CDH18: variants seen among roughly 807,000 people sequenced by gnomAD.
The protein encoded by CDH18 is cadherin 18, also known as cadherin-18.
A neutral mutation model predicts 67.9 loss-of-function variants in CDH18; 31 were observed. That is an observed-to-expected ratio of 0.46 (90% CI 0.34 to 0.62). CDH18 has a LOEUF of 0.62. Ranked by LOEUF, CDH18 falls within the 20% of genes least tolerant of loss-of-function variation. CDH18 has a pLI of 0.01. For missense variants in CDH18, 890 were observed against 975.5 expected (o/e 0.91, Z 1.17); for synonymous variants, 362 against 347.2 (o/e 1.04, Z -0.48).
At chr5:19,953,800 T>C (rs1404480400) in intron 2 of CDH18, among the ~76,000 whole-genome samples, 1 of 152,090 alleles carries the variant, frequency 6.6e-6, no homozygotes, top group Non-Finnish European at 1.5e-5. Context: ...CACTAAATAA[T>C]AGTCAAACTA....
chr5:20,063,494 C>G (rs1467424540), intron 2 of CDH18, among the ~76,000 whole-genome samples: 3 of 151,972 alleles, frequency 2.0e-5, no homozygotes, highest in Admixed American at 2.0e-4. Context: ...CAACATTGCA[C>G]CCTGGTCCAC....
At chr5:20,071,230 G>A (rs1210013258) in intron 2 of CDH18, among the ~76,000 whole-genome samples, 3 of 151,844 alleles carry the variant, frequency 2.0e-5, no homozygotes, top group Admixed American at 2.0e-4. Flanking sequence ...TTTTTTCTCG[G>A]TTGCCACTGA....
chr5:19,698,606 G>A (rs1487905380), intron 5 of CDH18, among the ~76,000 whole-genome samples: 1 of 151,732 alleles, frequency 6.6e-6, no homozygotes, highest in Non-Finnish European at 1.5e-5. Context: ...TTGTAAAATA[G>A]GAATCAATGT....
intron 1 of CDH18, among the ~76,000 whole-genome samples, chr5:20,345,817 C>G (rs1258925145): frequency 6.6e-6 from 1 of 152,050 alleles, no homozygotes; most frequent in Non-Finnish European, 1.5e-5. Context: ...TGTAGTCCTT[C>G]CATTTCAGCC....
chr5:19,902,995 C>T (rs1790111014), intron 2 of CDH18, among the ~76,000 whole-genome samples: 1 of 151,854 alleles, frequency 6.6e-6, no homozygotes, highest in Non-Finnish European at 1.5e-5. Flanking sequence ...TATTTTAAAA[C>T]TTTGTTAAAA....
At chr5:19,661,063 A>G (rs1473419445) in intron 5 of CDH18, among the ~76,000 whole-genome samples, 2 of 152,198 alleles carry the variant, frequency 1.3e-5, no homozygotes, top group East Asian at 3.9e-4. Flanking sequence ...GAAAAAAACA[A>G]AAGACAAAGA....
At chr5:20,067,016 A>C (rs1302710574) in intron 2 of CDH18, among the ~76,000 whole-genome samples, 1 of 151,920 alleles carries the variant, frequency 6.6e-6, no homozygotes, top group Non-Finnish European at 1.5e-5. Context: ...ATTGGAAAAA[A>C]AAACAACAGT....
chr5:20,453,514 T>A (rs1194632016), intron 1 of CDH18, among the ~76,000 whole-genome samples: 1 of 151,942 alleles, frequency 6.6e-6, no homozygotes, highest in Non-Finnish European at 1.5e-5. Context: ...TAATATCCTA[T>A]CAATCAATCA....
In CDH18 at chr5:20,071,752, T is replaced by C. The variant is rs573807981; in HGVS notation, c.-517-79738A>G. ...AAATTCAAGCATTGTAAACTGATTTTGTAAATTGCATACTTGTGCCATAAA... is the reference window on the plus strand; with the variant it reads ...AAATTCAAGCATTGTAAACTGATTTCGTAAATTGCATACTTGTGCCATAAA... On this transcript the variant is annotated intron_variant, in intron 2 of 14. Coordinates refer to the CDH18 transcript ENST00000507958. 3.9e-5 allele frequency among the ~76,000 whole-genome samples: 6 copies of C among 152,216 alleles called. No homozygotes were observed. The South Asian group carries it at 1.2e-3, about 32-fold the overall frequency.
intron 2 of CDH18, among the ~76,000 whole-genome samples, chr5:19,840,075 A>G (rs1185262610): frequency 6.6e-6 from 1 of 150,882 alleles, no homozygotes; most frequent in Non-Finnish European, 1.5e-5. Flanking sequence ...TGGCTAGTAC[A>G]GTGAAACCCG....
chr5:20,078,390 G>T (rs1744137532), intron 2 of CDH18, among the ~76,000 whole-genome samples: 1 of 151,878 alleles, frequency 6.6e-6, no homozygotes, highest in African/African-American at 2.4e-5. Context: ...TTGAACCAGG[G>T]TGGTAAAGGT....
At chr5:20,138,326 GA>G (rs1454279992) in intron 2 of CDH18, among the ~76,000 whole-genome samples, 1 of 152,054 alleles carries the variant, frequency 6.6e-6, no homozygotes, top group African/African-American at 2.4e-5. Context: ...AAAATAATAA[GA>G]GCTGTTTATG....
intron 2 of CDH18, among the ~76,000 whole-genome samples, chr5:19,841,026 G>A (rs534130172): frequency 1.3e-5 from 2 of 152,196 alleles, no homozygotes; most frequent in African/African-American, 2.4e-5. Flanking sequence ...ACACAGTTGA[G>A]GAAAGATGCT....
At position 20,043,435 on chromosome 5, in the gene CDH18, C is replaced by T. The variant is rs1367875171; in HGVS notation, c.-517-51421G>A. Among the ~76,000 whole-genome samples the T allele has an allele frequency of 2.6e-5, 4 of 152,180 alleles. No individual in the cohort carries two copies. In the East Asian group the frequency reaches 5.8e-4, roughly 22 times the overall value. Reference sequence around the variant, plus strand: ...TAAACAATAGCTATTCTTTCTCCTGCTGCTGTGGCTCCACACCAGGCCATA... The same window carrying T: ...TAAACAATAGCTATTCTTTCTCCTGTTGCTGTGGCTCCACACCAGGCCATA... On this transcript the variant is annotated intron_variant, in intron 2 of 14. Transcript: ENST00000507958.
chr5:19,709,700 AAAAG>A (rs1764464502), intron 5 of CDH18, among the ~76,000 whole-genome samples: 3 of 151,552 alleles, frequency 2.0e-5, no homozygotes, highest in Admixed American at 1.3e-4. Context: ...AAAAGGAAAA[AAAAG>A]AAAAGAAAAG....
chr5:20,388,122 G>T (rs1290197719), intron 1 of CDH18, among the ~76,000 whole-genome samples: 1 of 152,148 alleles, frequency 6.6e-6, no homozygotes, highest in East Asian at 1.9e-4. Flanking sequence ...CTGTTGATTG[G>T]AATAGTGTCA....
At chr5:20,575,435 C>A (rs914363379) in intron 1 of CDH18, 71 of 152,044 alleles carry the variant, frequency 4.7e-4, no homozygotes, top group African/African-American at 1.6e-3. Context: ...AAAAAGAAAT[C>A]CAGAGATAAA....
intron 5 of CDH18, among the ~76,000 whole-genome samples, chr5:19,719,017 G>A (rs935333425): frequency 6.6e-6 from 1 of 151,896 alleles, no homozygotes; most frequent in Non-Finnish European, 1.5e-5. Flanking sequence ...CACTATTAGA[G>A]CATTGGTCTC....
At chr5:20,200,465 G>A (rs1419460671) in intron 2 of CDH18, among the ~76,000 whole-genome samples, 1 of 152,108 alleles carries the variant, frequency 6.6e-6, no homozygotes, top group Non-Finnish European at 1.5e-5. Flanking sequence ...CTTGAGCTCA[G>A]GAGTTCAAGA....
Sources: allele counts gnomAD v4.1 joint callset (sites outside exome capture counted in the v4.1 genomes callset), GRCh38; gene constraint gnomAD v4.1.1; transcripts MANE v1.5; gene names NCBI Gene and HGNC (gene_info 2026-07-23, HGNC 2026-07-21).